Variants in SLC8A1 observed in about 807,000 individuals in gnomAD.
The protein encoded by SLC8A1 is solute carrier family 8 member A1.
In SLC8A1, 18 loss-of-function variants were observed where a neutral mutation model predicts 68.3. The observed-to-expected ratio is 0.26, with a 90% CI of 0.18 to 0.39. SLC8A1 has a LOEUF of 0.39. Ranked by LOEUF, SLC8A1 falls within the 10% of genes least tolerant of loss-of-function variation. SLC8A1 has a pLI of 1.00. For missense variants in SLC8A1, 985 were observed against 1,156.7 expected (o/e 0.85, Z 2.15); for synonymous variants, 475 against 415.5 (o/e 1.14, Z -1.74).
chr2:40,471,799 T>C (rs932803131), intron 1 of SLC8A1, among the ~76,000 whole-genome samples: 5 of 152,206 alleles, frequency 3.3e-5, no homozygotes, highest in African/African-American at 9.7e-5. Context: ...TTTGGCAAGA[T>C]AGGACAAGGT....
At position 40,451,848 on chromosome 2, in the gene SLC8A1, A is replaced by T. The variant is rs77989127; in HGVS notation, c.-25+56T>A. 4 of 153,002 alleles carry T rather than the reference A, an allele frequency of 2.6e-5. No individual in the cohort carries two copies. The East Asian group carries it at 7.7e-4, about 30-fold the overall frequency. 9.5% of individuals were successfully genotyped at this position (153,002 alleles called of 1,614,324 possible). On this transcript the variant is annotated intron_variant, in intron 1 of 7. Transcript: ENST00000406785. ...TGTAGCCTTATGAGCAGCAAATGGA[A>T]AATAGTTCTTGGTCTCTGACTAAAT...
chr2:40,116,580 G>A (rs986661347), intron 7 of SLC8A1, among the ~76,000 whole-genome samples: 2 of 151,678 alleles, frequency 1.3e-5, no homozygotes, highest in African/African-American at 4.8e-5. Context: ...TTTTGTTCTT[G>A]CGATAGTTTA....
At chr2:40,245,126 A>C (rs1277566637) in intron 2 of SLC8A1, among the ~76,000 whole-genome samples, 1 of 139,812 alleles carries the variant, frequency 7.2e-6, no homozygotes, top group Non-Finnish European at 1.5e-5. Flanking sequence ...AAATAATCAA[A>C]AGAATAATTC....
chr2:40,336,213 G>C (rs1037286555), intron 2 of SLC8A1, among the ~76,000 whole-genome samples: 1 of 152,120 alleles, frequency 6.6e-6, no homozygotes, highest in Admixed American at 6.5e-5. Context: ...AGCATCACTG[G>C]TACAGCAACT....
intron 1 of SLC8A1, among the ~76,000 whole-genome samples, chr2:40,492,850 T>A (rs972425585): frequency 7.9e-4 from 118 of 148,558 alleles, no homozygotes; most frequent in South Asian, 2.5e-3. Flanking sequence ...AAACAACAGG[T>A]GCTGGAGAAG....
intron 1 of SLC8A1, among the ~76,000 whole-genome samples, chr2:40,478,784 T>A (rs1704448824): frequency 6.6e-6 from 1 of 152,000 alleles, no homozygotes; most frequent in African/African-American, 2.4e-5. Context: ...GTTTTTTTTT[T>A]TTTTTAGACA....
intron 2 of SLC8A1, among the ~76,000 whole-genome samples, chr2:40,272,224 T>C (rs1574965171): frequency 6.6e-6 from 1 of 152,326 alleles, no homozygotes. Flanking sequence ...TTCTTATTCA[T>C]TTATTCATTA....
chr2:40,139,374 G>A (rs1322753957), intron 7 of SLC8A1, 27 bp downstream of exon 10: 5 of 1,609,594 alleles, frequency 3.1e-6, no homozygotes, highest in Non-Finnish European at 2.5e-6. Context: ...TGCTACTGGG[G>A]GAATTATACA....
intron 2 of SLC8A1, among the ~76,000 whole-genome samples, chr2:40,197,365 C>T (rs913583251): frequency 2.0e-5 from 3 of 151,948 alleles, no homozygotes; most frequent in Admixed American, 6.6e-5. Context: ...GCAGTGTCTA[C>T]GGCTGGAAAT....
chr2:40,423,732 T>C (rs1308302186), intron 2 of SLC8A1, among the ~76,000 whole-genome samples: 1 of 152,012 alleles, frequency 6.6e-6, no homozygotes, highest in Non-Finnish European at 1.5e-5. Flanking sequence ...ATAAACAACC[T>C]TTCTGCACAC....
At chr2:40,125,698 T>C (rs909702707) in intron 7 of SLC8A1, among the ~76,000 whole-genome samples, 2 of 152,110 alleles carry the variant, frequency 1.3e-5, no homozygotes, top group Non-Finnish European at 2.9e-5. Flanking sequence ...TGGGAAGGGA[T>C]TGTAATGCCC....
At chr2:40,292,884 T>G in intron 2 of SLC8A1, among the ~76,000 whole-genome samples, 1 of 152,288 alleles carries the variant, frequency 6.6e-6, no homozygotes, top group Non-Finnish European at 1.5e-5. Context: ...TCTAGTGAAC[T>G]GTCAGGTAGG....
At chr2:40,385,288 A>T (rs570394689) in intron 2 of SLC8A1, among the ~76,000 whole-genome samples, 1 of 146,454 alleles carries the variant, frequency 6.8e-6, no homozygotes, top group African/African-American at 2.8e-5. Context: ...ACAGTTTTTG[A>T]GACATACTAC....
intron 1 of SLC8A1, among the ~76,000 whole-genome samples, chr2:40,461,958 A>AGATTTTTC (rs1172394140): frequency 6.8e-6 from 1 of 146,404 alleles, no homozygotes; most frequent in African/African-American, 2.5e-5. Flanking sequence ...AGAATATGCT[A>AGATTTTTC]GATTTTTCGA....
intron 1 of SLC8A1, among the ~76,000 whole-genome samples, chr2:40,477,698 AG>A (rs1415995185): frequency 6.6e-6 from 1 of 151,958 alleles, no homozygotes; most frequent in Admixed American, 6.6e-5. Context: ...AATAAAGATG[AG>A]TGTGTTTTTG....
intron 2 of SLC8A1, among the ~76,000 whole-genome samples, chr2:40,186,888 G>A (rs2050797011): frequency 6.6e-6 from 1 of 152,192 alleles, no homozygotes; most frequent in Admixed American, 6.5e-5. Context: ...TATGGATAAT[G>A]AAATTCGCAG....
chr2:40,255,689 A>G (rs773887309), intron 2 of SLC8A1, among the ~76,000 whole-genome samples: 2 of 152,220 alleles, frequency 1.3e-5, no homozygotes, highest in African/African-American at 4.8e-5. Flanking sequence ...TAAGAGAATA[A>G]TGAAAAGAGT....
At chr2:40,324,120 T>A (rs2075544944) in intron 2 of SLC8A1, among the ~76,000 whole-genome samples, 1 of 152,054 alleles carries the variant, frequency 6.6e-6, no homozygotes, top group Admixed American at 6.6e-5. Flanking sequence ...TAAATAAATT[T>A]ATGTAAAAAG....
At chr2:40,484,558 C>G (rs912041261) in intron 1 of SLC8A1, among the ~76,000 whole-genome samples, 1 of 152,180 alleles carries the variant, frequency 6.6e-6, no homozygotes, top group Non-Finnish European at 1.5e-5. Flanking sequence ...TGCTATCACC[C>G]GAATCTAACG....
Sources: allele counts gnomAD v4.1 joint callset (sites outside exome capture counted in the v4.1 genomes callset), GRCh38; gene constraint gnomAD v4.1.1; transcripts MANE v1.5; gene names NCBI Gene and HGNC (gene_info 2026-07-23, HGNC 2026-07-21).